ZNF462: variants seen among roughly 807,000 people sequenced by gnomAD.
The protein encoded by ZNF462 is zinc finger PBX1-interacting protein.
A neutral mutation model predicts 201.9 loss-of-function variants in ZNF462; 10 were observed. The observed-to-expected ratio is 0.05, with a 90% CI of 0.03 to 0.08. The LOEUF (loss-of-function observed/expected upper bound fraction) is 0.08, where lower values mean the gene tolerates loss of function less well. ZNF462 is among the 10% of genes least tolerant of loss of function. The pLI is 1.00. For missense variants in ZNF462, 2,523 were observed against 3,168.3 expected (o/e 0.80, Z 4.89); for synonymous variants, 1,227 against 1,193.3 (o/e 1.03, Z -0.58).
intron 1 of ZNF462, among the ~76,000 whole-genome samples, chr9:106,887,714 T>C (rs896076119): frequency 1.3e-5 from 2 of 152,192 alleles, no homozygotes; most frequent in African/African-American, 4.8e-5. Flanking sequence ...ATGAACTGTT[T>C]ATTGTTGAAT....
chr9:106,965,548 G>A (rs1832035247), intron 7 of ZNF462, among the ~76,000 whole-genome samples: 1 of 152,032 alleles, frequency 6.6e-6, no homozygotes, highest in African/African-American at 2.4e-5. Context: ...CTGTTTAAAT[G>A]TGCTGCCACA....
Position 106,929,901 on chromosome 9 carries a change from T to A in ZNF462, c.5847+142T>A. ...AGAGCTCAATAAGTCAATTAAACAT[T>A]TCGAGCTTGATTATCTCCCATTCTG... On this transcript the variant is annotated intron_variant, in intron 3 of 12. Coordinates refer to ENST00000277225, the MANE Select transcript of ZNF462 (RefSeq NM_021224.6). This position sits in a 1 kb window ranked among gnomAD's most constrained non-coding sequence, Gnocchi z 8.7. The A allele has an allele frequency of 2.7e-6, 2 of 740,440 alleles. No individual in the cohort carries two copies. Among genetic ancestry groups the A allele is most frequent in the Non-Finnish European group, 4.4e-6 (2 of 459,480 alleles). 45.9% of individuals were successfully genotyped at this position (740,440 alleles called of 1,614,324 possible).
intron 10 of ZNF462, among the ~76,000 whole-genome samples, chr9:106,991,763 AT>A (rs551039757): frequency 7.6e-4 from 113 of 147,910 alleles, no homozygotes; most frequent in South Asian, 2.4e-3. Flanking sequence ...GGAAAGGATG[AT>A]TTTTTTTTTA....
chr9:106,929,530 A>T lies in ZNF462; in HGVS notation c.5618A>T (p.Asp1873Val), dbSNP rs759212363. Residue 1873 changes from aspartate (D) to valine (V), a missense_variant, in exon 3 of 13, where the codon GAC becomes GTC. Asp to Val is a radical substitution (Grantham distance 152, BLOSUM62 -3). Around this residue, in one of 15 missense-constraint regions of ZNF462, gnomAD observed 207 missense variants for 231.6 expected, o/e 0.89. Coordinates refer to ENST00000277225, the MANE Select transcript of ZNF462 (RefSeq NM_021224.6). The surrounding 1 kb of genome is among the most constrained non-coding windows in gnomAD (Gnocchi z 8.7). ...CATTACACTGACCACCACAGTCGGG[A>T]CCTAAAGAGGGACTTCATCATTCTG... ...CMHYTDHHSR[D>V]LKRDFIILGN... The T allele has an allele frequency of 6.2e-7, 1 of 1,614,172 alleles. No homozygotes were observed. The highest frequency in any genetic ancestry group is 8.5e-7 in the Non-Finnish European group (1 of 1,180,040).
At chr9:106,975,299 A>G (rs925278481) in intron 9 of ZNF462, 3 of 152,216 alleles carry the variant, frequency 2.0e-5, no homozygotes, top group African/African-American at 7.2e-5. Flanking sequence ...ATATGCCTCA[A>G]AAGCAATGAG....
rs1830182076 is a variant in ZNF462 at position 106,926,085 on chromosome 9, G to A, written c.2173G>A (p.Glu725Lys). The change falls in exon 3 of 13, where the codon GAG becomes AAG. Residue 725 changes from glutamate (E) to lysine (K), a missense_variant. Coordinates refer to ENST00000277225, the MANE Select transcript of ZNF462 (RefSeq NM_021224.6). The surrounding 1 kb of genome is among the most constrained non-coding windows in gnomAD (Gnocchi z 7.9). Reference protein sequence around the residue: ...DAVINVEDDEEEEEDNEVEIE... With the variant: ...DAVINVEDDEKEEEDNEVEIE... ...AGTGATCAATGTTGAGGATGATGAAGAGGAAGAGGAAGACAACGAAGTCGA... is the reference window on the plus strand; with the variant it reads ...AGTGATCAATGTTGAGGATGATGAAAAGGAAGAGGAAGACAACGAAGTCGA... 1 of 1,614,216 alleles carries A rather than the reference G, an allele frequency of 6.2e-7. No homozygotes were observed. Among genetic ancestry groups the A allele is most frequent in the Admixed American group, 1.7e-5 (1 of 60,024 alleles).
chr9:106,904,494 A>C (rs2131219884), intron 1 of ZNF462, among the ~76,000 whole-genome samples: 1 of 152,260 alleles, frequency 6.6e-6, no homozygotes, highest in Non-Finnish European at 1.5e-5. Context: ...AGGCTGGGGA[A>C]GTTTTCCTCA....
chr9:106,972,435 A>C lies in ZNF462; in HGVS notation c.6695+163A>C, dbSNP rs1564142703. 6.6e-6 allele frequency among the ~76,000 whole-genome samples: 1 copy of C among 152,196 alleles called. No individual in the cohort carries two copies. The highest frequency in any genetic ancestry group is 1.5e-5 in the Non-Finnish European group (1 of 68,030). ...GGCTTCATGGAAGGAGGGTAGTTTC[A>C]GAAGACTGCTTTGGGATTTGGGAAG... On this transcript the variant is annotated intron_variant, in intron 8 of 12. Transcript: ENST00000277225. This position sits in a 1 kb window ranked among gnomAD's most constrained non-coding sequence, Gnocchi z 4.8.
intron 7 of ZNF462, among the ~76,000 whole-genome samples, chr9:106,959,845 T>C (rs1423920049): frequency 6.6e-6 from 1 of 151,984 alleles, no homozygotes; most frequent in East Asian, 1.9e-4. Context: ...TCTTGGAAAT[T>C]TAATACCCTA....
chr9:106,928,027 G>A lies in ZNF462; in HGVS notation c.4115G>A (p.Arg1372Lys). Residue 1372 changes from arginine to lysine, a missense_variant, in exon 3 of 13, where the codon AGG becomes AAG. Arg to Lys is a conservative substitution (Grantham distance 26, BLOSUM62 2). Around this residue, in one of 15 missense-constraint regions of ZNF462, gnomAD observed 165 missense variants for 142.6 expected, o/e 1.16. Transcript: ENST00000277225. The surrounding 1 kb of genome is among the most constrained non-coding windows in gnomAD (Gnocchi z 9.3). Reference sequence around the variant, plus strand: ...GCCGAAGCCAAAACCTACAGATGCAGGGACTGTGTTTTCGAAGCTGTTTCC... The same window carrying A: ...GCCGAAGCCAAAACCTACAGATGCAAGGACTGTGTTTTCGAAGCTGTTTCC... Reference protein sequence around the residue: ...MPAEAKTYRCRDCVFEAVSIW... With the variant: ...MPAEAKTYRCKDCVFEAVSIW... 1 of 1,614,188 alleles carries A rather than the reference G, an allele frequency of 6.2e-7. No individual in the cohort carries two copies. The highest frequency in any genetic ancestry group is 8.5e-7 in the Non-Finnish European group (1 of 1,180,038).
intron 10 of ZNF462, among the ~76,000 whole-genome samples, chr9:106,997,940 C>T (rs1227923802): frequency 1.3e-5 from 2 of 150,796 alleles, no homozygotes; most frequent in Non-Finnish European, 2.9e-5. Context: ...TATTGGAATA[C>T]AGCCATGGTC....
At position 106,938,639 on chromosome 9, in the gene ZNF462, C is replaced by A. The variant is rs577929898; in HGVS notation, c.6236-277C>A. On this transcript the variant is annotated intron_variant, in intron 6 of 12. Coordinates refer to ENST00000277225, the MANE Select transcript of ZNF462 (RefSeq NM_021224.6). This position sits in a 1 kb window ranked among gnomAD's most constrained non-coding sequence, Gnocchi z 4.4. ...TATCATGGGCAGTTGGGTTTGACTT[C>A]CTATTGGGGAATTAATTCATAGCTT... Among the ~76,000 whole-genome samples, 25 of 152,216 alleles carry A rather than the reference C, an allele frequency of 1.6e-4. No homozygotes were observed. In the South Asian group the frequency reaches 5.0e-3, roughly 30 times the overall value.
rs1564090567 is a variant in ZNF462 at position 106,908,902 on chromosome 9, C to CGTATATACAT, written c.-30-14452_-30-14451insGTATATACAT. Among the ~76,000 whole-genome samples, 162 of 77,192 alleles carry CGTATATACAT rather than the reference C, an allele frequency of 2.1e-3. 4 individuals carry two copies. Among genetic ancestry groups the CGTATATACAT allele is most frequent in the African/African-American group, 9.9e-3 (156 of 15,692 alleles). 50.6% of individuals were successfully genotyped at this position (77,192 alleles called of 152,430 possible). On this transcript the variant is annotated intron_variant, in intron 1 of 12. Coordinates refer to ENST00000277225, the MANE Select transcript of ZNF462 (RefSeq NM_021224.6). Reference sequence around the variant, plus strand: ...GCTGTGAAAGTTGAGAATATTTGCCCATATATACATATATATATATATATA... The same window carrying CGTATATACAT: ...GCTGTGAAAGTTGAGAATATTTGCCCGTATATACATATATATACATATATATATATATATA...
chr9:106,898,208 T>C (rs1828893397), intron 1 of ZNF462, among the ~76,000 whole-genome samples: 1 of 152,164 alleles, frequency 6.6e-6, no homozygotes, highest in South Asian at 2.1e-4. Flanking sequence ...TGCCTGGAGA[T>C]GGGTTTGAAC....
chr9:107,011,060 A>G lies in ZNF462; in HGVS notation c.*30A>G. The G allele has an allele frequency of 1.2e-6, 2 of 1,606,576 alleles. No homozygotes were observed. On this transcript the variant is annotated 3_prime_UTR_variant, in exon 13 of 13. Coordinates refer to ENST00000277225, the MANE Select transcript of ZNF462 (RefSeq NM_021224.6). The surrounding 1 kb of genome is among the most constrained non-coding windows in gnomAD (Gnocchi z 5.6). Reference sequence around the variant, plus strand: ...TTGGTGAAATTCTTAATCAAACCTTACTTGAACAGTGATGAAAAAGTGGGA... The same window carrying G: ...TTGGTGAAATTCTTAATCAAACCTTGCTTGAACAGTGATGAAAAAGTGGGA...
At chr9:106,918,632 A>G (rs903696036) in intron 1 of ZNF462, among the ~76,000 whole-genome samples, 7 of 152,158 alleles carry the variant, frequency 4.6e-5, no homozygotes, top group African/African-American at 1.7e-4. Flanking sequence ...AAAAAAAATC[A>G]TTTTTCATCT....
In ZNF462 at chr9:106,926,993, T is replaced by A; in HGVS notation, c.3081T>A (p.Val1027=). 1 of 1,614,206 alleles carries A rather than the reference T, an allele frequency of 6.2e-7. No individual in the cohort carries two copies. The highest frequency in any genetic ancestry group is 8.5e-7 in the Non-Finnish European group (1 of 1,180,032). The part of the protein sequence containing the change: ...ENQKDPLVNT[V]VVYDCDVCSF... ...AGAAGGACCCTTTGGTCAACACTGT[T>A]GTTGTTTATGATTGTGATGTTTGTT... The change falls in exon 3 of 13, where the codon GTT becomes GTA. Residue 1027 remains valine, a synonymous_variant. Transcript: ENST00000277225. The surrounding 1 kb of genome is among the most constrained non-coding windows in gnomAD (Gnocchi z 7.9).
In ZNF462 at chr9:106,933,669, T is replaced by G. The variant is rs1510283; in HGVS notation, c.6116+1120T>G. ...AAACAAAACAAAACCCACTGACTCA[T>G]CAAAATAAAGCACGTCTTTGAAAAT... On this transcript the variant is annotated intron_variant, in intron 5 of 12. Coordinates refer to ENST00000277225, the MANE Select transcript of ZNF462 (RefSeq NM_021224.6). The surrounding 1 kb of genome is among the most constrained non-coding windows in gnomAD (Gnocchi z 4.3). Among the ~76,000 whole-genome samples, 44,372 of 152,050 alleles carry G rather than the reference T, an allele frequency of 0.29. 12,472 individuals carry two copies. Among genetic ancestry groups the G allele is most frequent in the African/African-American group, 0.74 (30,646 of 41,448 alleles).
chr9:106,940,697 C>T (rs776152090), intron 7 of ZNF462, among the ~76,000 whole-genome samples: 1 of 152,028 alleles, frequency 6.6e-6, no homozygotes, highest in Non-Finnish European at 1.5e-5. Flanking sequence ...GAAGTGACCA[C>T]ACAATCTCCT....
Sources: gnomAD v4.1 joint callset for allele counts (sites outside exome capture counted in the v4.1 genomes callset) on GRCh38, gnomAD v4.1.1 for gene constraint, gnomAD v4.1.1 regional missense constraint, Gnocchi (gnomAD v3.1) non-coding constraint, MANE v1.5 for transcripts, NCBI Gene and HGNC (gene_info 2026-07-23, HGNC 2026-07-21) for gene names.